Variants in SP5 observed in about 807,000 individuals in gnomAD.
SP5 encodes the protein transcription factor Sp5.
SP5 carries 12 observed loss-of-function variants against 27.4 expected under a neutral mutation model. That is an observed-to-expected ratio of 0.44 (90% CI 0.28 to 0.71). SP5 has a LOEUF of 0.71. Ranked by LOEUF, SP5 falls within the 30% of genes least tolerant of loss-of-function variation. The pLI is 0.15. For synonymous variants in SP5, 330 were observed against 290.7 expected (o/e 1.14, Z -1.38); for missense variants, 660 against 589.8 (o/e 1.12, Z -1.23).
chr2:170,716,495 G>A lies in SP5; in HGVS notation c.288G>A (p.Pro96=), dbSNP rs760993319. 2 of 1,609,768 alleles carry A rather than the reference G, an allele frequency of 1.2e-6. No homozygotes were observed. The highest frequency in any genetic ancestry group is 1.1e-5 in the South Asian group (1 of 90,850). The change falls in exon 2 of 2, where the codon CCG becomes CCA. Residue 96 remains proline, a synonymous_variant. Coordinates refer to ENST00000375281, the MANE Select transcript of SP5 (RefSeq NM_001003845.3). ...CGCATCCCAGCTTGGGGCTGACGCC[G>A]CAGAAGACGCACCTGCAGCCGTCCT... ...PPPHPSLGLT[P]QKTHLQPSFG...
intron 1 of SP5, 45 bp from the exon 2 acceptor site, chr2:170,716,214 G>C: frequency 6.4e-7 from 1 of 1,561,958 alleles, no homozygotes; most frequent in Non-Finnish European, 8.6e-7. Context: ...CGCGCTTGGA[G>C]CTAACCTTTT....
At position 170,717,677 on chromosome 2, in the gene SP5, G is replaced by A; in HGVS notation, c.*273G>A. The A allele has an allele frequency of 1.8e-6, 1 of 543,016 alleles. No individual in the cohort carries two copies. Among genetic ancestry groups the A allele is most frequent in the Non-Finnish European group, 3.3e-6 (1 of 304,564 alleles). The allele number at this position is 543,016 out of a possible 1,614,324, so 33.6% of individuals were successfully genotyped here. On this transcript the variant is annotated 3_prime_UTR_variant, in exon 2 of 2. Coordinates refer to ENST00000375281, the MANE Select transcript of SP5 (RefSeq NM_001003845.3). ...ACTCTAAACCGTTCCCACCGTCAGG[G>A]AGACCTACAGTTTCGGGGGACCACC...
chr2:170,715,415 A>C lies in SP5; in HGVS notation c.-98A>C. ...GGCCCCGGCGCTCAGAGCAGGCGCCAGGGAGGCAGGCTGGGCGGCCCTTCG... is the reference window on the plus strand; with the variant it reads ...GGCCCCGGCGCTCAGAGCAGGCGCCCGGGAGGCAGGCTGGGCGGCCCTTCG... On this transcript the variant is annotated 5_prime_UTR_variant, in exon 1 of 2. Coordinates refer to ENST00000375281, the MANE Select transcript of SP5 (RefSeq NM_001003845.3). 6.8e-7 allele frequency: 1 copy of C among 1,478,706 alleles called. No homozygotes were observed. Among genetic ancestry groups the C allele is most frequent in the East Asian group, 2.7e-5 (1 of 36,672 alleles). The allele number at this position is 1,478,706 out of a possible 1,614,324, so 91.6% of individuals were successfully genotyped here. A position where few individuals can be genotyped will look rare whatever the true frequency, so the allele number is the denominator to read the frequency against.
At chr2:170,716,220 CT>C in intron 1 of SP5, 38 bp from the exon 2 acceptor site, 1 of 1,568,698 alleles carries the variant, frequency 6.4e-7, no homozygotes, top group Non-Finnish European at 8.5e-7. Flanking sequence ...TGGAGCTAAC[CT>C]TTTGTCTCTT....
At position 170,717,542 on chromosome 2, in the gene SP5, C is replaced by G. The variant is rs929897641; in HGVS notation, c.*138C>G. 8.3e-7 allele frequency: 1 copy of G among 1,200,058 alleles called. No homozygotes were observed. Among genetic ancestry groups the G allele is most frequent in the Non-Finnish European group, 1.1e-6 (1 of 870,074 alleles). The allele number at this position is 1,200,058 out of a possible 1,614,324, so 74.3% of individuals were successfully genotyped here. ...CAAAATGGAGCCAGGCTTCCAACTT[C>G]CGCTGCCTTCGGACATAGGGACCCA... On this transcript the variant is annotated 3_prime_UTR_variant, in exon 2 of 2. Transcript: ENST00000375281.
In SP5 at chr2:170,717,007, C is replaced by G. The variant is rs960428996; in HGVS notation, c.800C>G (p.Thr267Arg). The G allele has an allele frequency of 3.2e-6, 5 of 1,547,546 alleles. No individual in the cohort carries two copies. The highest frequency in any genetic ancestry group is 3.5e-6 in the Non-Finnish European group (4 of 1,146,404). Reference sequence around the variant, plus strand: ...CAGACCAAGGCCCCCCTGGCGGCCACGGCCAGGAGGTGCCGCCGCTGCCGC... The same window carrying G: ...CAGACCAAGGCCCCCCTGGCGGCCAGGGCCAGGAGGTGCCGCCGCTGCCGC... Reference protein sequence around the residue: ...LLQTKAPLAATARRCRRCRCP... With the variant: ...LLQTKAPLAARARRCRRCRCP... The change falls in exon 2 of 2, where the codon ACG becomes AGG. Residue 267 changes from threonine to arginine, a missense_variant. Coordinates refer to ENST00000375281, the MANE Select transcript of SP5 (RefSeq NM_001003845.3).
rs1266420692 is a variant in SP5, at chr2:170,716,905, C to G, written c.698C>G (p.Ala233Gly). 6.5e-6 allele frequency: 10 copies of G among 1,531,018 alleles called. No homozygotes were observed. In the Admixed American group the frequency reaches 1.2e-4, roughly 19 times the overall value. 94.8% of individuals were successfully genotyped at this position (1,531,018 alleles called of 1,614,324 possible). ...PASAAAAAAAAAALQRGLVLG... is the reference protein window; with the variant it reads ...PASAAAAAAAGAALQRGLVLG... ...TCTGCGGCCGCTGCTGCTGCGGCCG[C>G]CGCCGCCCTACAAAGAGGCCTGGTG... The change falls in exon 2 of 2, where the codon GCC becomes GGC. Residue 233 changes from alanine to glycine, a missense_variant. Transcript: ENST00000375281.
Position 170,717,747 on chromosome 2 carries a change from A to C in SP5, c.*343A>C. ...AGGAAATGCTGCTGAACTGAATAGA[A>C]AGGAACTTGGGAGATTTGAAACAGT... is the stretch of plus-strand genomic sequence containing the variant. On this transcript the variant is annotated 3_prime_UTR_variant, in exon 2 of 2. Coordinates refer to ENST00000375281, the MANE Select transcript of SP5 (RefSeq NM_001003845.3). 1 of 347,788 alleles carries C rather than the reference A, an allele frequency of 2.9e-6. No individual in the cohort carries two copies. Among genetic ancestry groups the C allele is most frequent in the Non-Finnish European group, 5.3e-6 (1 of 188,560 alleles). The allele number at this position is 347,788 out of a possible 1,614,324, so 21.5% of individuals were successfully genotyped here.
In SP5 at chr2:170,716,879, CTCTGCGGCCGCTGCT is replaced by C; in HGVS notation, c.673_687del (p.Ser225_Ala229del). 6.7e-7 allele frequency: 1 copy of C among 1,500,780 alleles called. No individual in the cohort carries two copies. Among genetic ancestry groups the C allele is most frequent in the South Asian group, 1.3e-5 (1 of 78,618 alleles). 93.0% of individuals were successfully genotyped at this position (1,500,780 alleles called of 1,614,324 possible). On this transcript the variant is annotated inframe_deletion, in exon 2 of 2. Coordinates refer to ENST00000375281, the MANE Select transcript of SP5 (RefSeq NM_001003845.3). ...CCCCCCACGCGCCCCGCTTCCCCGC[CTCTGCGGCCGCTGCT>C]GCTGCGGCCGCCGCCGCCCTACAAA... is the stretch of plus-strand genomic sequence containing the variant.
At chr2:170,715,963 G>A (rs1700055857) in intron 1 of SP5, 1 of 1,346,650 alleles carries the variant, frequency 7.4e-7, no homozygotes, top group Non-Finnish European at 9.5e-7. Flanking sequence ...GGAGGGGCCC[G>A]TCGGATGCCT....
At position 170,717,104 on chromosome 2, in the gene SP5, C is replaced by T. The variant is rs761485672; in HGVS notation, c.897C>T (p.His299=). ...EPGKKKQHVC[H]VPGCGKVYGK... ...GGAAGAAGAAGCAGCACGTGTGCCA[C>T]GTGCCGGGCTGCGGCAAGGTGTACG... is the stretch of plus-strand genomic sequence containing the variant. Residue 299 remains histidine (H), a synonymous_variant, in exon 2 of 2, where the codon CAC becomes CAT. Transcript: ENST00000375281. 1.3e-5 allele frequency: 21 copies of T among 1,583,734 alleles called. No individual in the cohort carries two copies. In the East Asian group the frequency reaches 4.4e-4, roughly 33 times the overall value.
rs1700083272 is a variant in SP5, at chr2:170,716,922, G to A, written c.715G>A (p.Gly239Ser). The A allele has an allele frequency of 8.4e-6, 13 of 1,545,954 alleles. No homozygotes were observed. The highest frequency in any genetic ancestry group is 1.1e-5 in the Non-Finnish European group (13 of 1,145,654). The change falls in exon 2 of 2, where the codon GGC becomes AGC. Residue 239 changes from glycine (G) to serine (S), a missense_variant. Gly to Ser is a moderately conservative substitution (Grantham distance 56). Coordinates refer to ENST00000375281, the MANE Select transcript of SP5 (RefSeq NM_001003845.3). ...TGCGGCCGCCGCCGCCCTACAAAGA[G>A]GCCTGGTGTTGGGCCCGTCGGACTT... is the stretch of plus-strand genomic sequence containing the variant. ...AAAAAAALQR[G>S]LVLGPSDFAQ...
chr2:170,715,949 GC>G, intron 1 of SP5: 6 of 1,345,638 alleles, frequency 4.5e-6, no homozygotes, highest in Non-Finnish European at 3.8e-6. Flanking sequence ...TGACCACGGA[GC>G]CGGGAGGGGC....
Position 170,717,443 on chromosome 2 carries a change from G to A in SP5, c.*39G>A, listed in dbSNP as rs1300855990. 1 of 1,600,936 alleles carries A rather than the reference G, an allele frequency of 6.2e-7. No homozygotes were observed. The highest frequency in any genetic ancestry group is 8.5e-7 in the Non-Finnish European group (1 of 1,177,400). On this transcript the variant is annotated 3_prime_UTR_variant, in exon 2 of 2. Transcript: ENST00000375281. ...TGGACCCCCTTCCCAGCACCTCTGC[G>A]AGAGATCCGGGGACCTGTGGGCAGC...
At position 170,717,688 on chromosome 2, in the gene SP5, T is replaced by G; in HGVS notation, c.*284T>G. ...TTCCCACCGTCAGGGAGACCTACAGTTTCGGGGGACCACCCTGGTCTGGCC... is the reference window on the plus strand; with the variant it reads ...TTCCCACCGTCAGGGAGACCTACAGGTTCGGGGGACCACCCTGGTCTGGCC... On this transcript the variant is annotated 3_prime_UTR_variant, in exon 2 of 2. Coordinates refer to ENST00000375281, the MANE Select transcript of SP5 (RefSeq NM_001003845.3). The G allele has an allele frequency of 1.9e-6, 1 of 530,234 alleles. No homozygotes were observed. The highest frequency in any genetic ancestry group is 3.4e-6 in the Non-Finnish European group (1 of 296,390). The allele number at this position is 530,234 out of a possible 1,614,324, so 32.8% of individuals were successfully genotyped here. A position where few individuals can be genotyped will look rare whatever the true frequency, so the allele number is the denominator to read the frequency against.
rs1031613904 is a variant in SP5 at position 170,716,624 on chromosome 2, C to T, written c.417C>T (p.Pro139=). The change falls in exon 2 of 2, where the codon CCC becomes CCT. Residue 139 remains proline, a synonymous_variant. Coordinates refer to ENST00000375281, the MANE Select transcript of SP5 (RefSeq NM_001003845.3). ...KMLPSSMAAL[P]ASCAPAYVPY... ...TGCCCTCGAGCATGGCGGCTCTGCC[C>T]GCCAGCTGCGCGCCCGCCTACGTGC... 6.2e-7 allele frequency: 1 copy of T among 1,607,560 alleles called. No individual in the cohort carries two copies. Among genetic ancestry groups the T allele is most frequent in the Non-Finnish European group, 8.5e-7 (1 of 1,178,138 alleles).
chr2:170,715,951 CG>C, intron 1 of SP5: 18 of 1,345,870 alleles, frequency 1.3e-5, no homozygotes, highest in Non-Finnish European at 1.6e-5. Context: ...ACCACGGAGC[CG>C]GGAGGGGCCC....
At chr2:170,716,176 C>T (rs1186762287) in intron 1 of SP5, 83 bp from the exon 2 acceptor site, 11 of 1,483,022 alleles carry the variant, frequency 7.4e-6, no homozygotes, top group Non-Finnish European at 8.9e-6. Context: ...TAATAGCGGG[C>T]GTGGGGGCGG....
rs1700105238 is a variant in SP5, at chr2:170,718,055, T to C, written c.*651T>C. ...TAAGCGGTCGGGTTTCCCCGGGAAT[T>C]TGATGGTTCCTATAGTCTGCCTGTG... On this transcript the variant is annotated 3_prime_UTR_variant, in exon 2 of 2. Transcript: ENST00000375281. The C allele has an allele frequency of 6.6e-6, 1 of 152,430 alleles. No homozygotes were observed. Among genetic ancestry groups the C allele is most frequent in the African/African-American group, 2.4e-5 (1 of 41,448 alleles). The allele number at this position is 152,430 out of a possible 1,614,324, so 9.4% of individuals were successfully genotyped here.
Sources: allele counts gnomAD v4.1 joint callset, GRCh38; gene constraint gnomAD v4.1.1; transcripts MANE v1.5; gene names NCBI Gene and HGNC (gene_info 2026-07-23, HGNC 2026-07-21).